Variants in FSHR observed in about 807,000 individuals in gnomAD.
The protein encoded by FSHR is follicle stimulating hormone receptor.
A neutral mutation model predicts 52.1 loss-of-function variants in FSHR; 46 were observed. That is an observed-to-expected ratio of 0.88 (90% CI 0.70 to 1.13). The LOEUF is 1.13. Ranked by LOEUF, FSHR falls within the 50% of genes most tolerant of loss-of-function variation. The pLI is 0.00. For missense variants in FSHR, 964 were observed against 834.6 expected, an observed-to-expected ratio of 1.16 and a Z score of -1.91; for synonymous variants, 399 against 309.6, an observed-to-expected ratio of 1.29 and a Z score of -3.03.
At chr2:49,019,894 A>G (rs1056192200) in intron 3 of FSHR, among the ~76,000 whole-genome samples, 192 bp downstream of exon 3, 2 of 152,208 alleles carry the variant, frequency 1.3e-5, no homozygotes, top group African/African-American at 4.8e-5. Flanking sequence ...GGATGAGACT[A>G]GGCTCTGAGC....
intron 1 of FSHR, among the ~76,000 whole-genome samples, chr2:49,151,613 C>A (rs989409106): frequency 6.6e-6 from 1 of 152,014 alleles, no homozygotes; most frequent in Non-Finnish European, 1.5e-5. Flanking sequence ...GTTTTCCACC[C>A]GGTGAGCCTG....
At chr2:49,097,711 G>C (rs1434952236) in intron 1 of FSHR, among the ~76,000 whole-genome samples, 2 of 152,152 alleles carry the variant, frequency 1.3e-5, no homozygotes, top group African/African-American at 4.8e-5. Context: ...GAGAGGTACT[G>C]GTTTCTGAAG....
chr2:49,059,816 T>C (rs1168877577), intron 2 of FSHR, among the ~76,000 whole-genome samples: 1 of 151,948 alleles, frequency 6.6e-6, no homozygotes, highest in East Asian at 1.9e-4. Flanking sequence ...AAAGATTTCA[T>C]GAATAAGACA....
chr2:49,072,231 C>T (rs1372612076), intron 1 of FSHR, among the ~76,000 whole-genome samples: 1 of 151,290 alleles, frequency 6.6e-6, no homozygotes, highest in African/African-American at 2.4e-5. Flanking sequence ...AGCAAACCAA[C>T]CAACCAACCA....
At chr2:49,027,898 T>C (rs111975829) in intron 2 of FSHR, among the ~76,000 whole-genome samples, 2,926 of 150,356 alleles carry the variant, frequency 0.019, 97 homozygotes, top group African/African-American at 0.067. Flanking sequence ...AAAGATTTTC[T>C]GGAGGTAGAG....
At chr2:49,078,793 C>T (rs72822017) in intron 1 of FSHR, among the ~76,000 whole-genome samples, 8,726 of 151,972 alleles carry the variant, frequency 0.057, 513 homozygotes, top group East Asian at 0.22. Context: ...AGACACATTC[C>T]GCTTAAAATT....
At chr2:49,043,127 C>A (rs1028461769) in intron 2 of FSHR, among the ~76,000 whole-genome samples, 1 of 152,118 alleles carries the variant, frequency 6.6e-6, no homozygotes, top group South Asian at 2.1e-4. Context: ...GACTCTTTCC[C>A]TTTATGGCTT....
At chr2:48,989,425 G>T (rs1199017512) in intron 5 of FSHR, among the ~76,000 whole-genome samples, 1 of 151,928 alleles carries the variant, frequency 6.6e-6, no homozygotes, top group Non-Finnish European at 1.5e-5. Context: ...TGGGACTGCA[G>T]GTGTGCACCA....
At chr2:49,127,832 C>CTTT (rs1558456700) in intron 1 of FSHR, among the ~76,000 whole-genome samples, 3 of 7,934 alleles carry the variant, frequency 3.8e-4, no homozygotes, top group South Asian at 0.016. Context: ...TCTTCTTCCT[C>CTTT]TTCTTCTTCT....
chr2:48,996,744 A>G (rs13011582), intron 4 of FSHR, among the ~76,000 whole-genome samples: 83,533 of 151,988 alleles, frequency 0.55, 24,667 homozygotes, highest in Non-Finnish European at 0.66. Context: ...ATGTCAAGAC[A>G]CTCAAATTTT....
intron 4 of FSHR, among the ~76,000 whole-genome samples, chr2:49,006,033 C>T (rs564927966): frequency 6.6e-6 from 1 of 152,226 alleles, no homozygotes; most frequent in African/African-American, 2.4e-5. Context: ...ACATCTTTCT[C>T]TCAGGCTGGA....
chr2:49,077,894 G>T (rs191765547), intron 1 of FSHR, among the ~76,000 whole-genome samples: 1 of 152,140 alleles, frequency 6.6e-6, no homozygotes, highest in Non-Finnish European at 1.5e-5. Context: ...CAGTCTAAAC[G>T]TTATTGTTCA....
At chr2:49,122,522 C>T (rs897985368) in intron 1 of FSHR, among the ~76,000 whole-genome samples, 3 of 152,194 alleles carry the variant, frequency 2.0e-5, no homozygotes, top group Admixed American at 2.0e-4. Flanking sequence ...CTTTCTTCCT[C>T]ATTTCTAGTT....
At chr2:49,078,538 A>G (rs1670039432) in intron 1 of FSHR, among the ~76,000 whole-genome samples, 1 of 152,216 alleles carries the variant, frequency 6.6e-6, no homozygotes, top group South Asian at 2.1e-4. Context: ...ATAATACATT[A>G]TTATCAGCTT....
chr2:49,008,532 G>C (rs1209166450), intron 4 of FSHR, among the ~76,000 whole-genome samples: 5 of 151,778 alleles, frequency 3.3e-5, no homozygotes, highest in African/African-American at 4.8e-5. Context: ...AGTCCCTTGG[G>C]TATATACCCA....
chr2:49,012,983 A>AAAT (rs1183297464), intron 4 of FSHR, among the ~76,000 whole-genome samples: 1 of 152,170 alleles, frequency 6.6e-6, no homozygotes, highest in African/African-American at 2.4e-5. Flanking sequence ...AAATGAGGTC[A>AAAT]TAAGTGTAGG....
At chr2:49,037,723 A>C (rs898052984) in intron 2 of FSHR, among the ~76,000 whole-genome samples, 5 of 152,222 alleles carry the variant, frequency 3.3e-5, no homozygotes, top group African/African-American at 1.2e-4. Context: ...TGGATGAGGC[A>C]ATCACTCATG....
intron 6 of FSHR, among the ~76,000 whole-genome samples, chr2:48,985,417 C>G (rs979342864): frequency 8.4e-5 from 2 of 23,778 alleles, no homozygotes; most frequent in African/African-American, 7.3e-4. Flanking sequence ...GGCACTGTAA[C>G]GCATATCACT....
chr2:48,973,444 A>G (rs770243862), intron 8 of FSHR, among the ~76,000 whole-genome samples: 2 of 152,228 alleles, frequency 1.3e-5, no homozygotes, highest in Non-Finnish European at 2.9e-5. Flanking sequence ...CAAAATTGTG[A>G]GCAAAATGGA....
Sources: allele counts gnomAD v4.1 joint callset (sites outside exome capture counted in the v4.1 genomes callset), GRCh38; gene constraint gnomAD v4.1.1; transcripts MANE v1.5; gene names NCBI Gene and HGNC (gene_info 2026-07-23, HGNC 2026-07-21).